The following DNAH2 variants were observed in gnomAD, a reference collection of about 807,000 sequenced individuals.
DNAH2 encodes the protein dynein axonemal heavy chain 2.
DNAH2 carries 323 observed loss-of-function variants against 523.5 expected under a neutral mutation model. That is an observed-to-expected ratio of 0.62 (90% CI 0.56 to 0.68). DNAH2 has a LOEUF of 0.68. DNAH2 is among the 30% of genes least tolerant of loss of function. DNAH2 has a pLI of 0.00. For missense variants in DNAH2, 4,907 were observed against 5,701.5 expected (o/e 0.86, Z 4.49); for synonymous variants, 2,093 against 2,177.4 (o/e 0.96, Z 1.08).
At chr17:7,739,641 G>T in intron 8 of DNAH2, 92 bp from the exon 9 acceptor site, 4 of 1,108,114 alleles carry the variant, frequency 3.6e-6, no homozygotes, top group Non-Finnish European at 5.2e-6. Flanking sequence ...CACTCACAGT[G>T]ATGTTTTTAG....
Position 7,818,672 on chromosome 17 carries a change from G to A in DNAH2, c.10566G>A (p.Val3522=), listed in dbSNP as rs1449694814. 1 of 1,613,970 alleles carries A rather than the reference G, an allele frequency of 6.2e-7. No homozygotes were observed. The highest frequency in any genetic ancestry group is 1.3e-5 in the African/African-American group (1 of 74,912). Reference sequence around the variant, plus strand: ...TGGAGGCCCAGCTGCTGGGCATTGTGGTGCGGAAGGAGCGGCCTGAGCTGG... The same window carrying A: ...TGGAGGCCCAGCTGCTGGGCATTGTAGTGCGGAAGGAGCGGCCTGAGCTGG... ...QGLEAQLLGI[V]VRKERPELEE... is the part of the protein sequence containing the mutation. The change falls in exon 70 of 86, where the codon GTG becomes GTA. Residue 3522 remains valine (V), a synonymous_variant. Transcript: ENST00000572933.
In DNAH2 at chr17:7,824,138, C is replaced by G. The variant is rs578181249; in HGVS notation, c.11496C>G (p.Thr3832=). The G allele has an allele frequency of 1.6e-4, 243 of 1,561,726 alleles. 3 individuals are homozygous for G. In the South Asian group the frequency reaches 2.6e-3, roughly 17 times the overall value. ...TCTGGCAGGTGCTGGAGGATTCAAC[C>G]CCACGATCCCCACTCGTGTTCATCC... ...LNMKSVLEDS[T]PRSPLVFILS... The change falls in exon 76 of 86, where the codon ACC becomes ACG. Residue 3832 remains threonine (T), a synonymous_variant. Transcript: ENST00000572933.
chr17:7,799,682 G>T (rs902390984), intron 56 of DNAH2, among the ~76,000 whole-genome samples: 4 of 152,160 alleles, frequency 2.6e-5, no homozygotes, highest in South Asian at 2.1e-4. Context: ...CAGGCATGGT[G>T]GCGGGGGCGC....
At position 7,787,944 on chromosome 17, in the gene DNAH2, G is replaced by A. The variant is rs777737981; in HGVS notation, c.6688G>A (p.Ala2230Thr). ...SRCGMVYTDY[A>T]DLGWKPYVQS... is the part of the protein sequence containing the mutation. ...CTGCGGGATGGTCTACACTGACTAC[G>A]CTGACCTGGGCTGGAAGCCCTATGT... The change falls in exon 43 of 86, where the codon GCT (alanine) becomes ACT (threonine). Residue 2230 changes from alanine to threonine, a missense_variant. By Grantham distance (58) the Ala-to-Thr change is moderately conservative. This residue lies in a region of DNAH2 where 2,806 missense variants were observed against 3,190.8 expected (regional missense o/e 0.88). Transcript: ENST00000572933. 1.1e-5 allele frequency: 18 copies of A among 1,614,158 alleles called. No homozygotes were observed. The highest frequency in any genetic ancestry group is 3.3e-5 in the South Asian group (3 of 91,082).
chr17:7,758,468 T>C (rs749423704), intron 13 of DNAH2, 27 bp from the exon 14 acceptor site: 3 of 1,603,844 alleles, frequency 1.9e-6, no homozygotes, highest in South Asian at 2.2e-5. Flanking sequence ...TTGTCCCCTC[T>C]GGATACCAGG....
chr17:7,775,446 G>A (rs923400276), intron 30 of DNAH2, 104 bp downstream of exon 30: 8 of 1,118,500 alleles, frequency 7.2e-6, no homozygotes, highest in African/African-American at 3.1e-5. Flanking sequence ...AGCACTTTGG[G>A]AGGCTGAGGT....
intron 73 of DNAH2, among the ~76,000 whole-genome samples, chr17:7,822,631 T>A (rs1304832770): frequency 6.7e-6 from 1 of 149,934 alleles, no homozygotes. Flanking sequence ...ACTTATTTGT[T>A]ATGTTTTTGG....
Position 7,797,192 on chromosome 17 carries a change from T to TTA in DNAH2, c.7881_7882dup (p.Arg2628IlefsTer43). 1 of 1,613,884 alleles carries TTA rather than the reference T, an allele frequency of 6.2e-7. No homozygotes were observed. The highest frequency in any genetic ancestry group is 1.1e-5 in the South Asian group (1 of 91,060). ...TCTTCCCAGGTGTTCCAGGGCATGC[T>TTA]TAGAGCCAACAAGGACTTCCATGAT... On this transcript the variant is annotated frameshift_variant, in exon 51 of 86. Transcript: ENST00000572933. LOFTEE classifies it high-confidence loss of function.
At position 7,780,885 on chromosome 17, in the gene DNAH2, T is replaced by C. The variant is rs2151247060; in HGVS notation, c.6003+103T>C. 1 of 1,586,756 alleles carries C rather than the reference T, an allele frequency of 6.3e-7. No individual in the cohort carries two copies. Among genetic ancestry groups the C allele is most frequent in the Non-Finnish European group, 8.6e-7 (1 of 1,164,048 alleles). ...CCTTTCTTTCCTCAGATTGGGATTCTCACCTTCCCACCTCGTCCCATCCCC... is the reference window on the plus strand; with the variant it reads ...CCTTTCTTTCCTCAGATTGGGATTCCCACCTTCCCACCTCGTCCCATCCCC... On this transcript the variant is annotated intron_variant, in intron 38 of 85. Coordinates refer to ENST00000572933, the MANE Select transcript of DNAH2 (RefSeq NM_020877.5). The surrounding 1 kb of genome is among the most constrained non-coding windows in gnomAD (Gnocchi z 4.4).
In DNAH2 at chr17:7,790,714, A is replaced by AT. The variant is rs56133367; in HGVS notation, c.6901-1190dup. ...TATGTCATTCCAGACCTCTTTTTTA[A>AT]TTTTTTTTTTTTTAAGAGACAGGGT... On this transcript the variant is annotated intron_variant, in intron 44 of 85. Coordinates refer to ENST00000572933, the MANE Select transcript of DNAH2 (RefSeq NM_020877.5). Among the ~76,000 whole-genome samples the AT allele has an allele frequency of 3.0e-4, 45 of 147,700 alleles. 1 individual carries two copies. In the East Asian group the frequency reaches 5.8e-3, roughly 19 times the overall value.
intron 31 of DNAH2, among the ~76,000 whole-genome samples, 197 bp from the exon 32 acceptor site, chr17:7,776,582 C>G (rs1045696718): frequency 1.3e-5 from 2 of 152,162 alleles, no homozygotes; most frequent in East Asian, 3.8e-4. Context: ...TTTCTTACCC[C>G]CCTTTCTGAG....
intron 63 of DNAH2, among the ~76,000 whole-genome samples, chr17:7,808,768 C>T (rs999540421): frequency 2.0e-5 from 3 of 152,194 alleles, no homozygotes; most frequent in African/African-American, 4.8e-5. Context: ...CGCCACCACG[C>T]CCGGCTGATT....
rs143616651 is a variant in DNAH2, at chr17:7,798,189, C to A, written c.8263C>A (p.Arg2755=). ...TRIVRVIGQP[R]GNMLLVGIGG... ...GATCGTGCGGGTCATTGGACAGCCT[C>A]GGGGCAACATGCTCCTGGTGGGTAT... Residue 2755 remains arginine, a synonymous_variant, in exon 54 of 86, where the codon CGG becomes AGG. Transcript: ENST00000572933. This position sits in a 1 kb window ranked among gnomAD's most constrained non-coding sequence, Gnocchi z 5.5. The A allele has an allele frequency of 6.2e-7, 1 of 1,609,988 alleles. No homozygotes were observed. Among genetic ancestry groups the A allele is most frequent in the Non-Finnish European group, 8.5e-7 (1 of 1,176,804 alleles).
At chr17:7,792,616 G>T in intron 46 of DNAH2, 41 bp from the exon 47 acceptor site, 1 of 1,531,608 alleles carries the variant, frequency 6.5e-7, no homozygotes. Flanking sequence ...GGAAAGGAGT[G>T]GGCGGCTGGT....
At chr17:7,766,598 G>A (rs2076174182) in intron 22 of DNAH2, 117 bp downstream of exon 22, 1 of 539,862 alleles carries the variant, frequency 1.9e-6, no homozygotes, top group Non-Finnish European at 2.6e-6. Flanking sequence ...AGGAGCTTTT[G>A]TTTGTTTCAG....
chr17:7,760,792 T>G lies in DNAH2; in HGVS notation c.2838T>G (p.Thr946=), dbSNP rs780956000. ...KIQTQISSGM[T]NNASLLQNYL... ...AGACCCAAATCAGCAGCGGCATGACTAACAACGCAAGCCTGCTGCAGAACT... is the reference window on the plus strand; with the variant it reads ...AGACCCAAATCAGCAGCGGCATGACGAACAACGCAAGCCTGCTGCAGAACT... Residue 946 remains threonine, a synonymous_variant, in exon 18 of 86, where the codon ACT becomes ACG. Coordinates refer to ENST00000572933, the MANE Select transcript of DNAH2 (RefSeq NM_020877.5). The surrounding 1 kb of genome is among the most constrained non-coding windows in gnomAD (Gnocchi z 4.0). 1 of 1,614,020 alleles carries G rather than the reference T, an allele frequency of 6.2e-7. No homozygotes were observed.
Position 7,757,222 on chromosome 17 carries a change from C to G in DNAH2, c.2036C>G (p.Ala679Gly). Residue 679 changes from alanine to glycine, a missense_variant, in exon 13 of 86, where the codon GCT becomes GGT. Physicochemically the swap from Ala to Gly is moderately conservative, Grantham distance 60. Coordinates refer to ENST00000572933, the MANE Select transcript of DNAH2 (RefSeq NM_020877.5). ...RILRENLLLV[A>G]RDYNRIIAML... ...CTGCGTGAAAATCTGCTACTCGTTG[C>G]TAGAGACTACAATAGGTAGGGCTTC... 6.2e-7 allele frequency: 1 copy of G among 1,614,154 alleles called. No individual in the cohort carries two copies. Among genetic ancestry groups the G allele is most frequent in the Non-Finnish European group, 8.5e-7 (1 of 1,180,020 alleles).
intron 3 of DNAH2, among the ~76,000 whole-genome samples, chr17:7,725,440 A>ATATATATATATATATATATATATATTTT (rs958458949): frequency 7.7e-6 from 1 of 130,506 alleles, no homozygotes; most frequent in African/African-American, 2.8e-5. Flanking sequence ...ATATATATAT[A>ATATATATATATATATATATATATATTTT]TTTTCTTTTT....
At position 7,817,872 on chromosome 17, in the gene DNAH2, G is replaced by T. The variant is rs544430546; in HGVS notation, c.10236+16G>T. 2.5e-5 allele frequency: 40 copies of T among 1,610,838 alleles called. No homozygotes were observed. Among genetic ancestry groups the T allele is most frequent in the Non-Finnish European group, 3.1e-5 (37 of 1,178,982 alleles). ...AGGAGGCCAGGTGTGAGGCTGGGGG[G>T]TCAGGTTAGCCCCCCCCTTCCTGAG... On this transcript the variant is annotated intron_variant, in intron 67 of 85. Coordinates refer to ENST00000572933, the MANE Select transcript of DNAH2 (RefSeq NM_020877.5).
Sources: allele counts gnomAD v4.1 joint callset (sites outside exome capture counted in the v4.1 genomes callset), GRCh38; gene constraint gnomAD v4.1.1; regional missense constraint gnomAD v4.1.1; non-coding constraint Gnocchi (gnomAD v3.1); transcripts MANE v1.5; gene names NCBI Gene and HGNC (gene_info 2026-07-23, HGNC 2026-07-21).